Variants in XYLT1 observed in about 807,000 individuals in gnomAD.
The protein encoded by XYLT1 is xylosyltransferase 1, also known as beta-D-xylosyltransferase 1.
Under a neutral mutation model 91.3 loss-of-function variants are expected in XYLT1, and 36 were observed. That is an observed-to-expected ratio of 0.39 (90% confidence interval 0.30 to 0.52). The LOEUF is 0.52. XYLT1 is among the 20% of genes least tolerant of loss of function. The probability of loss-of-function intolerance (pLI) is 0.68; values close to 1 mark genes in which losing one functional copy is unlikely to be tolerated. For missense variants in XYLT1, 1,242 were observed against 1,284.5 expected, an observed-to-expected ratio of 0.97 and a Z score of 0.51; for synonymous variants, 588 against 532.0, an observed-to-expected ratio of 1.11 and a Z score of -1.45.
intron 3 of XYLT1, among the ~76,000 whole-genome samples, chr16:17,223,872 T>C (rs2141612060): frequency 6.6e-6 from 1 of 152,350 alleles, no homozygotes; most frequent in Non-Finnish European, 1.5e-5. Flanking sequence ...AATAAAGTAC[T>C]AGTCTTCCAG....
At chr16:17,333,879 G>A (rs73535338) in intron 2 of XYLT1, among the ~76,000 whole-genome samples, 2,266 of 152,112 alleles carry the variant, frequency 0.015, 59 homozygotes, top group African/African-American at 0.052. Flanking sequence ...TGAGCCACAC[G>A]CCCGGCCTCA....
chr16:17,296,261 G>A (rs2034308198), intron 2 of XYLT1, among the ~76,000 whole-genome samples: 1 of 115,572 alleles, frequency 8.7e-6, no homozygotes, highest in Admixed American at 8.6e-5. Context: ...ACCATGTTTA[G>A]CAAGGCCTGG....
intron 2 of XYLT1, chr16:17,355,394 A>G (rs2035280186): frequency 1.3e-5 from 2 of 152,168 alleles, no homozygotes; most frequent in Non-Finnish European, 2.9e-5. Context: ...ATGGGTTTTC[A>G]TAAGTTTAAT....
intron 3 of XYLT1, among the ~76,000 whole-genome samples, chr16:17,208,702 A>G (rs1190963351): frequency 6.6e-6 from 1 of 152,186 alleles, no homozygotes; most frequent in African/African-American, 2.4e-5. Context: ...AGGATGCTCT[A>G]CATGGATAAC....
intron 5 of XYLT1, among the ~76,000 whole-genome samples, chr16:17,178,341 A>C (rs1249154237): frequency 6.6e-6 from 1 of 152,120 alleles, no homozygotes; most frequent in Non-Finnish European, 1.5e-5. Context: ...AATCCAGGTC[A>C]AGGCCTAGGG....
At chr16:17,304,615 A>G (rs559538293) in intron 2 of XYLT1, among the ~76,000 whole-genome samples, 1 of 152,304 alleles carries the variant, frequency 6.6e-6, no homozygotes, top group East Asian at 1.9e-4. Context: ...TACGTCCAAA[A>G]GCGTCATATG....
intron 8 of XYLT1, 116 bp downstream of exon 8, chr16:17,138,239 C>T (rs2141514968): frequency 2.5e-6 from 3 of 1,217,036 alleles, no homozygotes; most frequent in East Asian, 2.5e-5. Context: ...TAATTATCAA[C>T]AGCCAGGTTT....
At chr16:17,333,595 T>A (rs927472980) in intron 2 of XYLT1, among the ~76,000 whole-genome samples, 21 of 150,216 alleles carry the variant, frequency 1.4e-4, no homozygotes, top group Non-Finnish European at 2.7e-4. Flanking sequence ...TAATTTATTT[T>A]TTTTTTTTTT....
chr16:17,188,625 T>C (rs531267894), intron 5 of XYLT1, among the ~76,000 whole-genome samples: 1 of 152,296 alleles, frequency 6.6e-6, no homozygotes, highest in South Asian at 2.1e-4. Flanking sequence ...TGCTCATAGA[T>C]CCTTCATTCC....
At chr16:17,297,562 A>G (rs1240725375) in intron 2 of XYLT1, among the ~76,000 whole-genome samples, 1 of 49,246 alleles carries the variant, frequency 2.0e-5, no homozygotes, top group African/African-American at 4.1e-4. Flanking sequence ...AAAATGAAAA[A>G]AAAAAAAAAA....
At chr16:17,379,641 T>C (rs2035646003) in intron 1 of XYLT1, among the ~76,000 whole-genome samples, 1 of 152,126 alleles carries the variant, frequency 6.6e-6, no homozygotes, top group Admixed American at 6.5e-5. Context: ...ATTCTGAATC[T>C]TGGTGTCTTC....
chr16:17,136,350 C>CGTAA (rs1364140327), intron 8 of XYLT1, among the ~76,000 whole-genome samples: 2 of 152,128 alleles, frequency 1.3e-5, no homozygotes, highest in African/African-American at 2.4e-5. Context: ...GCCCCCTGAT[C>CGTAA]GTAAGTACCC....
intron 2 of XYLT1, among the ~76,000 whole-genome samples, chr16:17,272,017 C>T (rs929095798): frequency 6.6e-6 from 1 of 152,088 alleles, no homozygotes; most frequent in Non-Finnish European, 1.5e-5. Flanking sequence ...GGAGAAATGG[C>T]AGCTGCATGA....
intron 5 of XYLT1, among the ~76,000 whole-genome samples, chr16:17,197,486 T>G (rs2032452828): frequency 6.6e-6 from 1 of 152,326 alleles, no homozygotes; most frequent in South Asian, 2.1e-4. Context: ...TTGATTGGAC[T>G]GAAGGATGCA....
intron 1 of XYLT1, among the ~76,000 whole-genome samples, chr16:17,380,334 G>A (rs34455780): frequency 0.3 from 45,502 of 152,048 alleles, 7,410 homozygotes; most frequent in Non-Finnish European, 0.38. Context: ...GAGGTGGTTG[G>A]AGCGAGATGT....
intron 1 of XYLT1, among the ~76,000 whole-genome samples, chr16:17,412,361 G>A (rs145654227): frequency 9.1e-4 from 138 of 151,854 alleles, no homozygotes; most frequent in Non-Finnish European, 1.4e-3. Context: ...GGGTCCTGGC[G>A]CACACACACG....
chr16:17,319,263 T>G (rs1236550328), intron 2 of XYLT1, among the ~76,000 whole-genome samples: 1 of 152,162 alleles, frequency 6.6e-6, no homozygotes, highest in African/African-American at 2.4e-5. Flanking sequence ...GAACTTATAA[T>G]AAATGATCTT....
At chr16:17,315,447 C>T (rs2034614746) in intron 2 of XYLT1, among the ~76,000 whole-genome samples, 1 of 152,232 alleles carries the variant, frequency 6.6e-6, no homozygotes, top group Non-Finnish European at 1.5e-5. Flanking sequence ...AGAATTCTCG[C>T]TCCCCTAACT....
intron 2 of XYLT1, among the ~76,000 whole-genome samples, chr16:17,272,355 G>A (rs1204963243): frequency 6.6e-6 from 1 of 151,670 alleles, no homozygotes; most frequent in Non-Finnish European, 1.5e-5. Flanking sequence ...GTAGAGACGC[G>A]GTTTCACCAT....
Sources: gnomAD v4.1 joint callset for allele counts (sites outside exome capture counted in the v4.1 genomes callset) on GRCh38, gnomAD v4.1.1 for gene constraint, MANE v1.5 for transcripts, NCBI Gene and HGNC (gene_info 2026-07-23, HGNC 2026-07-21) for gene names.